Variants in RPS6KA3 observed in about 807,000 individuals in gnomAD.
The protein encoded by RPS6KA3 is ribosomal protein S6 kinase alpha-3.
RPS6KA3 carries 4 observed loss-of-function variants against 67.2 expected under a neutral mutation model. The observed-to-expected ratio is 0.06, with a 90% CI of 0.03 to 0.14. The LOEUF (loss-of-function observed/expected upper bound fraction) is 0.14. RPS6KA3 is among the 10% of genes least tolerant of loss of function. The pLI, the probability that RPS6KA3 is intolerant of heterozygous loss-of-function variation, is 1.00. For synonymous variants in RPS6KA3, 182 were observed against 183.7 expected, an observed-to-expected ratio of 0.99 and a Z score of 0.07; for missense variants, 204 against 559.0, an observed-to-expected ratio of 0.36 and a Z score of 6.40.
chrX:20,216,331 T>G, intron 2 of RPS6KA3, among the ~76,000 whole-genome samples: 1 of 111,182 alleles, frequency 9.0e-6, no homozygotes, highest in South Asian at 3.8e-4. Context: ...AGGTGTTCAA[T>G]ACCCTTAAGC....
At chrX:20,225,252 TTTG>T (rs1480334500) in intron 2 of RPS6KA3, among the ~76,000 whole-genome samples, 6 of 97,345 alleles carry the variant, frequency 6.2e-5, no homozygotes, top group Non-Finnish European at 1.0e-4. Flanking sequence ...TGTTTTTTTT[TTTG>T]TTTTTTTTTT....
chrX:20,179,024 G>T (rs2067776825), intron 10 of RPS6KA3, among the ~76,000 whole-genome samples: 1 of 110,948 alleles, frequency 9.0e-6, no homozygotes. Flanking sequence ...TGGTCAGATA[G>T]TATGGGTAAG....
At chrX:20,266,200 G>A in intron 1 of RPS6KA3, 1 of 166,964 alleles carries the variant, frequency 6.0e-6, no homozygotes, top group South Asian at 9.8e-5. Context: ...CAAGGTCCGG[G>A]AAAGCCCCCG....
chrX:20,230,522 C>G (rs1025211827), intron 2 of RPS6KA3, among the ~76,000 whole-genome samples: 3 of 111,388 alleles, frequency 2.7e-5, no homozygotes, highest in Non-Finnish European at 5.7e-5. Flanking sequence ...CCTTTGAAAG[C>G]CCATAAGCAA....
In RPS6KA3 at chrX:20,164,088, C is replaced by A. The variant is rs180897624; in HGVS notation, c.1764+811G>T. On this transcript the variant is annotated intron_variant, in intron 18 of 21. Coordinates refer to ENST00000379565, the MANE Select transcript of RPS6KA3 (RefSeq NM_004586.3). ...ATTGCTTGAGCTGAGGAGTTCAAGG[C>A]TGCAGTGAGCTATGATTGCACCACT... is the stretch of plus-strand genomic sequence containing the variant. Among the ~76,000 whole-genome samples the A allele has an allele frequency of 5.8e-3, 652 of 111,741 alleles. 5 individuals carry two copies. The highest frequency in any genetic ancestry group is 8.5e-3 in the Admixed American group (89 of 10,494).
intron 1 of RPS6KA3, chrX:20,265,750 C>G (rs1290280753): frequency 9.1e-6 from 1 of 110,382 alleles, no homozygotes; most frequent in East Asian, 2.8e-4. Flanking sequence ...CGGGGAAATT[C>G]TGTTTTGCCC....
intron 4 of RPS6KA3, among the ~76,000 whole-genome samples, chrX:20,195,866 A>T (rs2068260393): frequency 8.9e-6 from 1 of 112,264 alleles, no homozygotes; most frequent in South Asian, 3.7e-4. Flanking sequence ...AGCTTTGAGG[A>T]GCATATGACC....
chrX:20,253,693 T>C (rs994031958), intron 1 of RPS6KA3, among the ~76,000 whole-genome samples: 1 of 111,783 alleles, frequency 8.9e-6, no homozygotes, highest in African/African-American at 3.3e-5. Context: ...TGGTTGAAAA[T>C]GTACTACAGA....
At position 20,156,558 on chromosome X, in the gene RPS6KA3, C is replaced by T. The variant is rs113796584; in HGVS notation, c.1960-309G>A. On this transcript the variant is annotated intron_variant, in intron 20 of 21. Transcript: ENST00000379565. ...TTGTAGGTTTATTTATTTATTGAAA[C>T]AGGGTCTCATTCTGTCGCCCAGGCT... 8.3e-4 allele frequency among the ~76,000 whole-genome samples: 92 copies of T among 111,042 alleles called. 1 individual carries two copies. Among genetic ancestry groups the T allele is most frequent in the African/African-American group, 2.9e-3 (88 of 30,519 alleles).
intron 2 of RPS6KA3, among the ~76,000 whole-genome samples, chrX:20,228,753 T>C (rs953947209): frequency 1.3e-4 from 15 of 111,250 alleles, no homozygotes; most frequent in Non-Finnish European, 2.6e-4. Flanking sequence ...CTAAAATCAC[T>C]TATGTTCTAT....
At position 20,152,250 on chromosome X, in the gene RPS6KA3, G is replaced by T. The variant is rs1187730592; in HGVS notation, c.*3148C>A. ...TCAAATCTGTTAAAGTTGGGGGTCT[G>T]TTGCATTAGAAATAAGACACCTCTA... On this transcript the variant is annotated 3_prime_UTR_variant, in exon 22 of 22. Coordinates refer to ENST00000379565, the MANE Select transcript of RPS6KA3 (RefSeq NM_004586.3). 1 of 111,994 alleles carries T rather than the reference G, an allele frequency of 8.9e-6. No individual in the cohort carries two copies. Among genetic ancestry groups the T allele is most frequent in the Non-Finnish European group, 1.9e-5 (1 of 53,197 alleles). The allele number at this position is 111,994 out of a possible 1,213,427, so 9.2% of individuals were successfully genotyped here. A position where few individuals can be genotyped will look rare whatever the true frequency, so the allele number is the denominator to read the frequency against.
chrX:20,195,667 T>C (rs921671033), intron 4 of RPS6KA3, among the ~76,000 whole-genome samples: 2 of 112,106 alleles, frequency 1.8e-5, no homozygotes, highest in Non-Finnish European at 3.8e-5. Context: ...GAGAACATAC[T>C]GTGGTATAGC....
intron 2 of RPS6KA3, among the ~76,000 whole-genome samples, chrX:20,221,899 T>G (rs116536721): frequency 0.024 from 2,659 of 112,342 alleles, 77 homozygotes; most frequent in African/African-American, 0.076. Flanking sequence ...CACGTTGTCC[T>G]CCAGGAAGAA....
At chrX:20,172,568 C>A (rs1386293834) in intron 15 of RPS6KA3, among the ~76,000 whole-genome samples, 178 bp downstream of exon 15, 2 of 111,551 alleles carry the variant, frequency 1.8e-5, no homozygotes, top group East Asian at 5.6e-4. Flanking sequence ...AGATATATAA[C>A]CACCTTACCT....
At chrX:20,224,835 G>A (rs188974413) in intron 2 of RPS6KA3, among the ~76,000 whole-genome samples, 104 of 111,401 alleles carry the variant, frequency 9.3e-4, no homozygotes, top group African/African-American at 3.3e-3. Flanking sequence ...TGAAGAGAGG[G>A]TGAGAGGCAG....
At chrX:20,156,953 C>T (rs2067201350) in intron 20 of RPS6KA3, among the ~76,000 whole-genome samples, 2 of 110,571 alleles carry the variant, frequency 1.8e-5, no homozygotes, top group Non-Finnish European at 3.8e-5. Flanking sequence ...TCTAAATGCC[C>T]CCTGAAAAGA....
chrX:20,257,316 A>G (rs763853817), intron 1 of RPS6KA3, among the ~76,000 whole-genome samples: 138 of 112,447 alleles, frequency 1.2e-3, no homozygotes, highest in Non-Finnish European at 1.2e-3. Flanking sequence ...TGTATTTTCC[A>G]GACTTACGAG....
At chrX:20,165,259 G>A (rs945831755) in intron 17 of RPS6KA3, among the ~76,000 whole-genome samples, 199 bp from the exon 18 acceptor site, 1 of 111,871 alleles carries the variant, frequency 8.9e-6, no homozygotes. Context: ...GAGGAAGAAA[G>A]AATAGTACTT....
At chrX:20,168,236 C>T (rs2067488848) in intron 16 of RPS6KA3, among the ~76,000 whole-genome samples, 1 of 111,755 alleles carries the variant, frequency 8.9e-6, no homozygotes, top group Non-Finnish European at 1.9e-5. Context: ...TCATGACAGT[C>T]CAGGGAAAGA....
Sources: allele counts gnomAD v4.1 joint callset (sites outside exome capture counted in the v4.1 genomes callset), GRCh38; gene constraint gnomAD v4.1.1; transcripts MANE v1.5; gene names NCBI Gene and HGNC (gene_info 2026-07-23, HGNC 2026-07-21).